Variants in TIMM17A observed in about 807,000 individuals in gnomAD.
The protein encoded by TIMM17A is translocase of inner mitochondrial membrane 17A, also known as mitochondrial import inner membrane translocase subunit Tim17-A.
In TIMM17A, 15 loss-of-function variants were observed where a neutral mutation model predicts 26.5. The observed-to-expected ratio is 0.57, with a 90% confidence interval of 0.38 to 0.87. The LOEUF (loss-of-function observed/expected upper bound fraction) is 0.87. Among genes scored for constraint, TIMM17A ranks in the 40% least tolerant of loss-of-function variants. TIMM17A has a pLI of 0.00. For missense variants in TIMM17A, 201 were observed against 210.0 expected (o/e 0.96, Z 0.27); for synonymous variants, 80 against 70.8 (o/e 1.13, Z -0.66).
chr1:201,969,620 G>C lies in TIMM17A; in HGVS notation c.*66G>C. Reference sequence around the variant, plus strand: ...TTCGAGAAGGATTTCAGAAGATCAAGTTACAGTCTGTTTTTAAAACCATAG... The same window carrying C: ...TTCGAGAAGGATTTCAGAAGATCAACTTACAGTCTGTTTTTAAAACCATAG... On this transcript the variant is annotated 3_prime_UTR_variant, in exon 6 of 6. Coordinates refer to ENST00000367287, the MANE Select transcript of TIMM17A (RefSeq NM_006335.3). 1 of 1,373,356 alleles carries C rather than the reference G, an allele frequency of 7.3e-7. No homozygotes were observed. Among genetic ancestry groups the C allele is most frequent in the Non-Finnish European group, 1.0e-6 (1 of 965,382 alleles). The allele number at this position is 1,373,356 out of a possible 1,614,324, so 85.1% of individuals were successfully genotyped here.
rs1441420931 is a variant in TIMM17A at position 201,960,231 on chromosome 1, C to G, written c.190+2657C>G. 3.9e-5 allele frequency among the ~76,000 whole-genome samples: 6 copies of G among 152,118 alleles called. No individual in the cohort carries two copies. In the East Asian group the frequency reaches 9.7e-4, roughly 25 times the overall value. On this transcript the variant is annotated intron_variant, in intron 3 of 5. Coordinates refer to ENST00000367287, the MANE Select transcript of TIMM17A (RefSeq NM_006335.3). The stretch of plus-strand genomic sequence containing the variant: ...CTGGCCAACATGGTGAAACCCCCGT[C>G]TCTACTAAAAATACACCAATTAGCC...
chr1:201,964,635 C>CCTTTTTTT (rs1682590981), intron 4 of TIMM17A, among the ~76,000 whole-genome samples: 1 of 90,954 alleles, frequency 1.1e-5, no homozygotes, highest in African/African-American at 5.1e-5. Flanking sequence ...TATTTTATTT[C>CCTTTTTTT]TTTTTTTTTT....
intron 5 of TIMM17A, among the ~76,000 whole-genome samples, chr1:201,967,015 G>GTGTGTGTGTGTGTGTGTA (rs59893489): frequency 4.4e-4 from 52 of 118,822 alleles, no homozygotes; most frequent in African/African-American, 8.8e-4. Flanking sequence ...GTGTGTGTGT[G>GTGTGTGTGTGTGTGTGTA]TATATATATA....
At chr1:201,966,946 T>C (rs544096661) in intron 5 of TIMM17A, among the ~76,000 whole-genome samples, 3 of 147,326 alleles carry the variant, frequency 2.0e-5, no homozygotes, top group Non-Finnish European at 4.5e-5. Context: ...ATATATGTTA[T>C]GTATTATATA....
intron 5 of TIMM17A, among the ~76,000 whole-genome samples, chr1:201,966,991 T>TTATATGTGTGTGTGTGTG (rs572223784): frequency 6.0e-5 from 8 of 133,100 alleles, no homozygotes; most frequent in Non-Finnish European, 1.3e-4. Flanking sequence ...ATTATATATG[T>TTATATGTGTGTGTGTGTG]TGTGTGTGTG....
chr1:201,962,540 G>A (rs1290498391), intron 3 of TIMM17A: 3 of 151,978 alleles, frequency 2.0e-5, no homozygotes, highest in African/African-American at 4.8e-5. Flanking sequence ...TAGTAGAGAC[G>A]GGGGTTTCAC....
chr1:201,955,710 T>C (rs1682397416), intron 1 of TIMM17A, among the ~76,000 whole-genome samples, 158 bp downstream of exon 1: 2 of 152,226 alleles, frequency 1.3e-5, no homozygotes, highest in Admixed American at 6.5e-5. Context: ...CCAGTCGGCT[T>C]CTTAGCCCTG....
rs1460760229 is a variant in TIMM17A, at chr1:201,963,750, T to C, written c.319+6T>C. On this transcript the variant is annotated splice_donor_region_variant and intron_variant, in intron 4 of 5. Transcript: ENST00000367287. ...AGCCATACTGGCAGCAAGAAGTAAG[T>C]AGTCATTACAGACATACTAGTAGAA... 1 of 1,593,368 alleles carries C rather than the reference T, an allele frequency of 6.3e-7. No individual in the cohort carries two copies. Among genetic ancestry groups the C allele is most frequent in the Non-Finnish European group, 8.5e-7 (1 of 1,174,642 alleles).
rs1400039906 is a variant in TIMM17A at position 201,970,080 on chromosome 1, T to A, written c.*526T>A. 1 of 152,538 alleles carries A rather than the reference T, an allele frequency of 6.6e-6. No homozygotes were observed. Among genetic ancestry groups the A allele is most frequent in the Non-Finnish European group, 1.5e-5 (1 of 68,292 alleles). The allele number at this position is 152,538 out of a possible 1,614,324, so 9.4% of individuals were successfully genotyped here. On this transcript the variant is annotated 3_prime_UTR_variant, in exon 6 of 6. Transcript: ENST00000367287. ...CAACATGGATCATTTCACAGTGAGA[T>A]GCTTTATGGATTGAAGGATATGGTA...
intron 1 of TIMM17A, among the ~76,000 whole-genome samples, chr1:201,955,953 T>C (rs1182687651): frequency 6.6e-6 from 1 of 152,228 alleles, no homozygotes; most frequent in Non-Finnish European, 1.5e-5. Context: ...GTTGAGGAAC[T>C]GAAGAATAGG....
chr1:201,966,977 G>A (rs1277735534), intron 5 of TIMM17A, among the ~76,000 whole-genome samples: 1 of 93,356 alleles, frequency 1.1e-5, no homozygotes, highest in East Asian at 3.2e-4. Context: ...TATATATGTT[G>A]TATATTATAT....
At chr1:201,956,931 G>A (rs1003442271) in intron 1 of TIMM17A, among the ~76,000 whole-genome samples, 1 of 151,052 alleles carries the variant, frequency 6.6e-6, no homozygotes, top group African/African-American at 2.4e-5. Context: ...ACTCCAGCCT[G>A]GGTGACAGAG....
At position 201,966,991 on chromosome 1, in the gene TIMM17A, T is replaced by TTG. The variant is rs759557626; in HGVS notation, c.430+1472_430+1473dup. On this transcript the variant is annotated intron_variant, in intron 5 of 5. Coordinates refer to ENST00000367287, the MANE Select transcript of TIMM17A (RefSeq NM_006335.3). ...TTATATATGTTGTATATTATATATG[T>TTG]TGTGTGTGTGTGTGTGTGTGTGTGT... Among the ~76,000 whole-genome samples, 844 of 133,096 alleles carry TTG rather than the reference T, an allele frequency of 6.3e-3. 10 individuals are homozygous for TTG. The highest frequency in any genetic ancestry group is 0.022 in the African/African-American group (785 of 35,846). The allele number at this position is 133,096 out of a possible 152,430, so 87.3% of individuals were successfully genotyped here.
Position 201,957,263 on chromosome 1 carries a change from T to TC in TIMM17A, c.27-18_27-17insC. 6.6e-7 allele frequency: 1 copy of TC among 1,523,494 alleles called. No homozygotes were observed. The highest frequency in any genetic ancestry group is 9.1e-7 in the Non-Finnish European group (1 of 1,104,742). The allele number at this position is 1,523,494 out of a possible 1,614,324, so 94.4% of individuals were successfully genotyped here. A position where few individuals can be genotyped will look rare whatever the true frequency, so the allele number is the denominator to read the frequency against. Reference sequence around the variant, plus strand: ...TTGTGAATGAGAAATATGGTCTTTTTTTTCCCCCTGTTCTTAGCCCATGGC... The same window carrying TC: ...TTGTGAATGAGAAATATGGTCTTTTTCTTTCCCCCTGTTCTTAGCCCATGGC... On this transcript the variant is annotated splice_polypyrimidine_tract_variant and intron_variant, in intron 1 of 5. Coordinates refer to ENST00000367287, the MANE Select transcript of TIMM17A (RefSeq NM_006335.3).
chr1:201,962,638 C>G (rs888047604), intron 3 of TIMM17A: 2 of 152,358 alleles, frequency 1.3e-5, no homozygotes, highest in Admixed American at 6.5e-5. Flanking sequence ...GCGTGAGCTA[C>G]CGCACCTGGC....
At chr1:201,963,070 C>G (rs1231354848) in intron 3 of TIMM17A, 3 of 152,634 alleles carry the variant, frequency 2.0e-5, no homozygotes, top group African/African-American at 7.2e-5. Flanking sequence ...CTGTTTTAGG[C>G]TTGGCTTCTT....
intron 5 of TIMM17A, among the ~76,000 whole-genome samples, chr1:201,968,339 G>GTAT (rs1483993011): frequency 6.6e-6 from 1 of 151,674 alleles, no homozygotes; most frequent in Non-Finnish European, 1.5e-5. Context: ...AGAACTGTAT[G>GTAT]TAAATGGCAA....
chr1:201,957,877 C>T (rs1366727240), intron 3 of TIMM17A: 2 of 253,076 alleles, frequency 7.9e-6, no homozygotes, highest in East Asian at 1.0e-4. Context: ...GGGGCTCACG[C>T]CTGTAATCCC....
intron 5 of TIMM17A, 152 bp from the exon 6 acceptor site, chr1:201,969,317 G>A: frequency 1.6e-6 from 1 of 621,670 alleles, no homozygotes; most frequent in South Asian, 2.1e-5. Flanking sequence ...ACTCTTATGG[G>A]AATTAGGCAG....
Sources: allele counts gnomAD v4.1 joint callset (sites outside exome capture counted in the v4.1 genomes callset), GRCh38; gene constraint gnomAD v4.1.1; transcripts MANE v1.5; gene names NCBI Gene and HGNC (gene_info 2026-07-23, HGNC 2026-07-21).